The following NEURL4 variants were observed in gnomAD, a reference collection of about 807,000 sequenced individuals.
The protein encoded by NEURL4 is neuralized-like protein 4.
NEURL4 carries 45 observed loss-of-function variants against 148.0 expected under a neutral mutation model. The observed-to-expected ratio is 0.30, with a 90% CI of 0.24 to 0.39. NEURL4 has a LOEUF of 0.39. NEURL4 is among the 10% of genes least tolerant of loss of function. NEURL4 has a pLI of 1.00. For synonymous variants in NEURL4, 854 were observed against 869.0 expected, an observed-to-expected ratio of 0.98 and a Z score of 0.30; for missense variants, 1,776 against 2,144.0, an observed-to-expected ratio of 0.83 and a Z score of 3.39.
In NEURL4 at chr17:7,324,375, C is replaced by A. The variant is rs74839010; in HGVS notation, c.1899+20G>T. The A allele has an allele frequency of 3.7e-6, 6 of 1,613,892 alleles. No homozygotes were observed. The highest frequency in any genetic ancestry group is 4.2e-6 in the Non-Finnish European group (5 of 1,179,936). ...TGTGATGCCCGCTGCGGCCGCCAGG[C>A]GGCGCACCCACTTTCCCACCTTGAG... On this transcript the variant is annotated intron_variant, in intron 10 of 28. Transcript: ENST00000399464. The surrounding 1 kb of genome is among the most constrained non-coding windows in gnomAD (Gnocchi z 5.9).
In NEURL4 at chr17:7,327,355, C is replaced by T; in HGVS notation, c.727+85G>A. On this transcript the variant is annotated intron_variant, in intron 2 of 28. Transcript: ENST00000399464. This position sits in a 1 kb window ranked among gnomAD's most constrained non-coding sequence, Gnocchi z 6.6. ...TCAACAGACTTGGGGATCAGGGTGG[C>T]CCTGCCCACACCCAGCCTGTCTTGT... is the stretch of plus-strand genomic sequence containing the variant. 5 of 1,447,028 alleles carry T rather than the reference C, an allele frequency of 3.5e-6. No individual in the cohort carries two copies. The highest frequency in any genetic ancestry group is 4.7e-6 in the Non-Finnish European group (5 of 1,066,862). The allele number at this position is 1,447,028 out of a possible 1,614,324, so 89.6% of individuals were successfully genotyped here. A position where few individuals can be genotyped will look rare whatever the true frequency, so the allele number is the denominator to read the frequency against.
At chr17:7,323,156 G>A (rs1395924296) in intron 14 of NEURL4, 33 bp from the exon 15 acceptor site, 4 of 1,597,516 alleles carry the variant, frequency 2.5e-6, no homozygotes, top group South Asian at 2.2e-5. Context: ...GAGTCAGCCT[G>A]CCAACTTCAA....
At position 7,327,044 on chromosome 17, in the gene NEURL4, G is replaced by A; in HGVS notation, c.794-35C>T. The A allele has an allele frequency of 6.2e-7, 1 of 1,605,196 alleles. No homozygotes were observed. ...CAGGATGGAAGAAGGAAGCTCGGAAGTTGGGATGAGGCTCTACACCCCCAG... is the reference window on the plus strand; with the variant it reads ...CAGGATGGAAGAAGGAAGCTCGGAAATTGGGATGAGGCTCTACACCCCCAG... On this transcript the variant is annotated intron_variant, in intron 3 of 28. Transcript: ENST00000399464. The surrounding 1 kb of genome is among the most constrained non-coding windows in gnomAD (Gnocchi z 6.6).
rs1300796296 is a variant in NEURL4, at chr17:7,324,269, G to A, written c.1901C>T (p.Ala634Val). 6.2e-7 allele frequency: 1 copy of A among 1,613,982 alleles called. No individual in the cohort carries two copies. ...CCGTACCACGCCCACCGTGTCCCCT[G>A]CCTTGGAAGAAGGGGGTGCTGGAGT... Reference protein sequence around the residue: ...EYGHNLDRLKAGDTVGVVRRE... With the variant: ...EYGHNLDRLKVGDTVGVVRRE... The change falls in exon 11 of 29, where the codon GCA becomes GTA. Residue 634 changes from alanine to valine, a missense_variant and splice_region_variant. Physicochemically the swap from Ala to Val is moderately conservative, Grantham distance 64 (BLOSUM62 0). Transcript: ENST00000399464. The surrounding 1 kb of genome is among the most constrained non-coding windows in gnomAD (Gnocchi z 5.9).
At position 7,326,357 on chromosome 17, in the gene NEURL4, G is replaced by C; in HGVS notation, c.1205-14C>G. 1 of 1,614,110 alleles carries C rather than the reference G, an allele frequency of 6.2e-7. No homozygotes were observed. Among genetic ancestry groups the C allele is most frequent in the South Asian group, 1.1e-5 (1 of 91,078 alleles). On this transcript the variant is annotated splice_polypyrimidine_tract_variant and intron_variant, in intron 5 of 28. Coordinates refer to ENST00000399464, the MANE Select transcript of NEURL4 (RefSeq NM_032442.3). The surrounding 1 kb of genome is among the most constrained non-coding windows in gnomAD (Gnocchi z 6.0). ...TCATGATGGTGCCTGGGTGATAGTGGACACTTGGGTTCGGGTACGGGGCTT... is the reference window on the plus strand; with the variant it reads ...TCATGATGGTGCCTGGGTGATAGTGCACACTTGGGTTCGGGTACGGGGCTT...
chr17:7,323,876 GC>G lies in NEURL4; in HGVS notation c.2198del (p.Gly733AlafsTer49). The G allele has an allele frequency of 6.2e-7, 1 of 1,613,956 alleles. No homozygotes were observed. On this transcript the variant is annotated frameshift_variant, in exon 12 of 29. Coordinates refer to ENST00000399464, the MANE Select transcript of NEURL4 (RefSeq NM_032442.3). LOFTEE classifies it high-confidence loss of function. The part of the protein sequence containing the change: ...HGSNAVITNG[G>X]RTALRHNCRS... The stretch of plus-strand genomic sequence containing the variant: ...GACAGTTGTGGCGGAGGGCGGTGCG[GC>G]CCCCGTTAGTGATGACTGCGTTACT...
intron 21 of NEURL4, among the ~76,000 whole-genome samples, chr17:7,320,066 G>A (rs2073010030): frequency 1.3e-5 from 2 of 151,760 alleles, no homozygotes; most frequent in South Asian, 2.1e-4. Context: ...TCCTGATCTC[G>A]TGATCTGCCC....
Position 7,326,736 on chromosome 17 carries a change from G to C in NEURL4, c.1067C>G (p.Pro356Arg). The C allele has an allele frequency of 6.2e-7, 1 of 1,611,910 alleles. No homozygotes were observed. Among genetic ancestry groups the C allele is most frequent in the South Asian group, 1.1e-5 (1 of 90,850 alleles). Residue 356 changes from proline to arginine, a missense_variant, in exon 4 of 29, where the codon CCC becomes CGC. Pro to Arg is a moderately radical substitution (Grantham distance 103). Coordinates refer to ENST00000399464, the MANE Select transcript of NEURL4 (RefSeq NM_032442.3). This position sits in a 1 kb window ranked among gnomAD's most constrained non-coding sequence, Gnocchi z 6.0. ...FNNGVVMTNR[P>R]LRDNEMFEIR... ...CTCAAACATCTCATTGTCCCGAAGGGGGCGATTGGTCATGACAACCCCATT... is the reference window on the plus strand; with the variant it reads ...CTCAAACATCTCATTGTCCCGAAGGCGGCGATTGGTCATGACAACCCCATT...
At position 7,322,651 on chromosome 17, in the gene NEURL4, A is replaced by G; in HGVS notation, c.2725+84T>C. The G allele has an allele frequency of 6.5e-7, 1 of 1,540,094 alleles. No homozygotes were observed. The highest frequency in any genetic ancestry group is 1.2e-5 in the South Asian group (1 of 86,768). On this transcript the variant is annotated intron_variant, in intron 16 of 28. Transcript: ENST00000399464. This position sits in a 1 kb window ranked among gnomAD's most constrained non-coding sequence, Gnocchi z 5.5. ...AGCTACCCCAGCCAACCGTCTTTGC[A>G]GAACCTCTCTAACCTGGAAACCCTA...
Position 7,326,553 on chromosome 17 carries a change from C to T in NEURL4, c.1093-5G>A. 1 of 1,613,680 alleles carries T rather than the reference C, an allele frequency of 6.2e-7. No homozygotes were observed. Among genetic ancestry groups the T allele is most frequent in the East Asian group, 2.2e-5 (1 of 44,870 alleles). On this transcript the variant is annotated splice_polypyrimidine_tract_variant and splice_region_variant and intron_variant, in intron 4 of 28. Transcript: ENST00000399464. The surrounding 1 kb of genome is among the most constrained non-coding windows in gnomAD (Gnocchi z 6.0). ...AACAAGCTTGTCGATACGGATCTGG[C>T]ATTGAGGGACAGAAGGGAGAAGCAG...
Position 7,325,680 on chromosome 17 carries a change from T to TGGACTTCC in NEURL4, c.1319_1326dup (p.Asn443GlyfsTer22). ...TTAATGAAGAAGTGTAGGGCAGAGT[T>TGGACTTCC]GGACTTCCTTGTGAGGCCAATGTGG... On this transcript the variant is annotated frameshift_variant, in exon 7 of 29. Coordinates refer to ENST00000399464, the MANE Select transcript of NEURL4 (RefSeq NM_032442.3). LOFTEE classifies it high-confidence loss of function. 1 of 1,613,774 alleles carries TGGACTTCC rather than the reference T, an allele frequency of 6.2e-7. No individual in the cohort carries two copies.
At chr17:7,319,009 C>T in intron 22 of NEURL4, 41 bp downstream of exon 22, 1 of 1,560,022 alleles carries the variant, frequency 6.4e-7, no homozygotes, top group Non-Finnish European at 8.7e-7. Context: ...CTTCTCTACT[C>T]ACAGGCCTGG....
Position 7,316,255 on chromosome 17 carries a change from G to C in NEURL4, c.4557C>G (p.Ser1519=). The C allele has an allele frequency of 6.2e-7, 1 of 1,613,824 alleles. No homozygotes were observed. Among genetic ancestry groups the C allele is most frequent in the Non-Finnish European group, 8.5e-7 (1 of 1,179,976 alleles). ...CAGCGGAAGGGGGTCCCGGGGTGTA[G>C]GAGCCAGGGCGCACACACACCTGGA... ...VAFQVCVRPG[S]YTPGPPSAAL... The change falls in exon 29 of 29, where the codon TCC becomes TCG. Residue 1519 remains serine (S), a synonymous_variant. Transcript: ENST00000399464.
At chr17:7,325,875 C>G (rs1381216941) in intron 6 of NEURL4, among the ~76,000 whole-genome samples, 162 bp from the exon 7 acceptor site, 1 of 152,154 alleles carries the variant, frequency 6.6e-6, no homozygotes, top group African/African-American at 2.4e-5. Flanking sequence ...CACATTTCGT[C>G]AATGCTCCAC....
chr17:7,320,334 T>C (rs2143012050), intron 21 of NEURL4, among the ~76,000 whole-genome samples: 1 of 152,176 alleles, frequency 6.6e-6, no homozygotes, highest in East Asian at 1.9e-4. Context: ...AGAGTTTCAC[T>C]ATATTGCCTA....
In NEURL4 at chr17:7,327,603, A is replaced by C. The variant is rs780150228; in HGVS notation, c.564T>G (p.Arg188=). The C allele has an allele frequency of 1.9e-6, 3 of 1,612,464 alleles. No individual in the cohort carries two copies. Among genetic ancestry groups the C allele is most frequent in the Non-Finnish European group, 2.5e-6 (3 of 1,179,888 alleles). ...CGVAATGLPP[R]VWAVVDLYGK... ...CATAAAGGTCCACGACGGCCCAGAC[A>C]CGAGGGGGCAGGCCTGTGGCAGCCA... Residue 188 remains arginine, a synonymous_variant, in exon 2 of 29, where the codon CGT becomes CGG. Coordinates refer to ENST00000399464, the MANE Select transcript of NEURL4 (RefSeq NM_032442.3). This position sits in a 1 kb window ranked among gnomAD's most constrained non-coding sequence, Gnocchi z 6.6.
intron 14 of NEURL4, 132 bp from the exon 15 acceptor site, chr17:7,323,255 T>G: frequency 9.7e-7 from 1 of 1,026,314 alleles, no homozygotes; most frequent in Non-Finnish European, 1.4e-6. Context: ...GGCCCAATCC[T>G]ATCTCCTCTG....
intron 8 of NEURL4, 63 bp downstream of exon 8, chr17:7,325,146 C>CGGGGGGG: frequency 2.5e-6 from 1 of 401,112 alleles, no homozygotes; most frequent in Non-Finnish European, 4.5e-6. Flanking sequence ...CACTTCCTTG[C>CGGGGGGG]CCCGCCCCCC....
Position 7,318,014 on chromosome 17 carries a change from C to T in NEURL4, c.4060+51G>A. ...CACCCTCCAGCTGCTCTCCAAGGCT[C>T]TAGGCCTGGCCCTGGGAATGAAGTC... On this transcript the variant is annotated intron_variant, in intron 25 of 28. Coordinates refer to ENST00000399464, the MANE Select transcript of NEURL4 (RefSeq NM_032442.3). The surrounding 1 kb of genome is among the most constrained non-coding windows in gnomAD (Gnocchi z 4.3). 6.2e-7 allele frequency: 1 copy of T among 1,613,586 alleles called. No individual in the cohort carries two copies. The highest frequency in any genetic ancestry group is 8.5e-7 in the Non-Finnish European group (1 of 1,179,484).
Sources: allele counts gnomAD v4.1 joint callset (sites outside exome capture counted in the v4.1 genomes callset), GRCh38; gene constraint gnomAD v4.1.1; non-coding constraint Gnocchi (gnomAD v3.1); transcripts MANE v1.5; gene names NCBI Gene and HGNC (gene_info 2026-07-23, HGNC 2026-07-21).